The following FGF12 variants were observed in gnomAD, a reference collection of about 807,000 sequenced individuals.
FGF12 encodes the protein fibroblast growth factor 12, also known as fibroblast growth factor 12B.
Under a neutral mutation model 23.6 loss-of-function variants are expected in FGF12, and 14 were observed. The ratio of observed to expected loss-of-function variants is 0.59; its 90% CI spans 0.39 to 0.93. The LOEUF is 0.93. Ranked by LOEUF, FGF12 falls within the 40% of genes least tolerant of loss-of-function variation. The pLI, the probability that FGF12 is intolerant of heterozygous loss-of-function variation, is 0.00. For synonymous variants in FGF12, 62 were observed against 77.3 expected (o/e 0.80, Z 1.04); for missense variants, 175 against 217.8 (o/e 0.80, Z 1.24).
chr3:192,462,806 T>C (rs1722900882), intron 2 of FGF12, among the ~76,000 whole-genome samples: 1 of 152,142 alleles, frequency 6.6e-6, no homozygotes, highest in Non-Finnish European at 1.5e-5. Flanking sequence ...TTTCATATGA[T>C]AATGATATAT....
chr3:192,556,027 G>A (rs1228473871), intron 2 of FGF12, among the ~76,000 whole-genome samples: 2 of 151,726 alleles, frequency 1.3e-5, no homozygotes, highest in Non-Finnish European at 2.9e-5. Flanking sequence ...CAAAGAAAGT[G>A]AGCAATAAAT....
intron 2 of FGF12, among the ~76,000 whole-genome samples, chr3:192,448,576 G>T (rs113133702): frequency 2.0e-4 from 31 of 152,268 alleles, no homozygotes; most frequent in African/African-American, 6.5e-4. Context: ...AGTATACTAG[G>T]CTTGAGTGAT....
rs4571187 is a variant in FGF12, at chr3:192,335,485, G to A, written c.125-21C>T. On this transcript the variant is annotated intron_variant, in intron 3 of 5. Transcript: ENST00000445105. ...GAGAGCTGGGGGGAGAAAAAGAAGG[G>A]CGGAAAGGATCAGTGACCTTTTGAA... The A allele has an allele frequency of 0.35, 522,007 of 1,473,816 alleles. 99,298 individuals are homozygous for A. Among genetic ancestry groups the A allele is most frequent in the East Asian group, 0.64 (28,471 of 44,162 alleles). 91.3% of individuals were successfully genotyped at this position (1,473,816 alleles called of 1,614,324 possible). A position where few individuals can be genotyped will look rare whatever the true frequency, so the allele number is the denominator to read the frequency against.
At chr3:192,238,056 A>T (rs1299390998) in intron 4 of FGF12, 2 of 152,146 alleles carry the variant, frequency 1.3e-5, no homozygotes, top group Non-Finnish European at 1.5e-5. Flanking sequence ...ATTGGGTTTC[A>T]TGGATTGGTT....
chr3:192,483,860 A>G (rs1254292651), intron 2 of FGF12, among the ~76,000 whole-genome samples: 1 of 152,200 alleles, frequency 6.6e-6, no homozygotes, highest in African/African-American at 2.4e-5. Context: ...TGTGCCACAC[A>G]TCAATAGAAA....
intron 2 of FGF12, among the ~76,000 whole-genome samples, chr3:192,645,424 G>T (rs557809406): frequency 4.6e-5 from 7 of 152,218 alleles, no homozygotes; most frequent in Non-Finnish European, 5.9e-5. Context: ...AGAAAGAAAA[G>T]AATTTAAGAT....
intron 2 of FGF12, among the ~76,000 whole-genome samples, chr3:192,526,063 C>T (rs926528891): frequency 2.0e-5 from 3 of 152,186 alleles, no homozygotes; most frequent in Non-Finnish European, 4.4e-5. Context: ...TGAGCCACCG[C>T]GCCTGGCCTG....
Position 192,143,853 on chromosome 3 carries a change from C to T in FGF12, c.*156G>A. 1.8e-6 allele frequency: 1 copy of T among 569,758 alleles called. No homozygotes were observed. The highest frequency in any genetic ancestry group is 3.1e-4 in the Middle Eastern group (1 of 3,192). The allele number at this position is 569,758 out of a possible 1,614,324, so 35.3% of individuals were successfully genotyped here. On this transcript the variant is annotated 3_prime_UTR_variant, in exon 6 of 6. Transcript: ENST00000445105. Reference sequence around the variant, plus strand: ...GCTTTGGTTCAATTTTCTTGTCCTACACAAAGGAAGATTTTGAGTGCAGAA... The same window carrying T: ...GCTTTGGTTCAATTTTCTTGTCCTATACAAAGGAAGATTTTGAGTGCAGAA...
intron 2 of FGF12, among the ~76,000 whole-genome samples, chr3:192,447,840 C>T (rs57944929): frequency 0.048 from 7,238 of 152,188 alleles, 598 homozygotes; most frequent in African/African-American, 0.17. Context: ...ATAGCTACCA[C>T]GCAGATCAAG....
intron 2 of FGF12, among the ~76,000 whole-genome samples, chr3:192,440,628 T>C (rs1722176173): frequency 6.6e-6 from 1 of 152,216 alleles, no homozygotes; most frequent in Non-Finnish European, 1.5e-5. Context: ...TACAAGGATA[T>C]CAGGCGACAT....
intron 4 of FGF12, among the ~76,000 whole-genome samples, chr3:192,277,225 T>C (rs1246211783): frequency 1.3e-5 from 2 of 152,216 alleles, no homozygotes; most frequent in East Asian, 1.9e-4. Flanking sequence ...TATCAAAGAA[T>C]AGATTGTTTC....
intron 2 of FGF12, among the ~76,000 whole-genome samples, chr3:192,456,553 G>C (rs1722687678): frequency 2.6e-5 from 4 of 152,024 alleles, no homozygotes; most frequent in Admixed American, 2.6e-4. Flanking sequence ...GATTCTTTAA[G>C]TTATTTTAAA....
intron 4 of FGF12, among the ~76,000 whole-genome samples, chr3:192,210,118 T>A (rs1717852564): frequency 6.6e-6 from 1 of 151,744 alleles, no homozygotes; most frequent in Non-Finnish European, 1.5e-5. Context: ...AGTGTACAAC[T>A]GTGATCCTTG....
intron 2 of FGF12, among the ~76,000 whole-genome samples, chr3:192,690,627 C>T (rs1017796772): frequency 8.4e-5 from 12 of 142,246 alleles, no homozygotes; most frequent in African/African-American, 2.8e-4. Context: ...CAAAGTAAGA[C>T]AGCAAGAGAG....
rs146953816 is a variant in FGF12, at chr3:192,373,098, G to GT, written c.14-12561dup. ...TACAGATATTATCTGGCAGCACACT[G>GT]TTTTTTTTTTCACCTCCCTTCATTG... On this transcript the variant is annotated intron_variant, in intron 2 of 5. Transcript: ENST00000445105. Among the ~76,000 whole-genome samples the GT allele has an allele frequency of 8.4e-3, 1,250 of 148,492 alleles. 15 individuals are homozygous for GT. The highest frequency in any genetic ancestry group is 0.028 in the African/African-American group (1,148 of 40,488).
At chr3:192,174,889 T>C (rs115677780) in intron 4 of FGF12, among the ~76,000 whole-genome samples, 3,042 of 152,290 alleles carry the variant, frequency 0.02, 116 homozygotes, top group African/African-American at 0.069. Flanking sequence ...GGACACATGT[T>C]TTAAATGTTT....
intron 2 of FGF12, chr3:192,534,259 G>A (rs2108852786): frequency 6.6e-6 from 1 of 152,240 alleles, no homozygotes; most frequent in African/African-American, 2.4e-5. Context: ...CTTCAAAGAA[G>A]CTGGTTTTAG....
intron 2 of FGF12, among the ~76,000 whole-genome samples, chr3:192,577,752 A>G (rs1349445996): frequency 6.6e-6 from 1 of 152,238 alleles, no homozygotes; most frequent in Non-Finnish European, 1.5e-5. Flanking sequence ...TGTTTTACTC[A>G]TCTTTCTAAT....
intron 2 of FGF12, among the ~76,000 whole-genome samples, chr3:192,521,716 C>T (rs1724817454): frequency 6.6e-6 from 1 of 152,086 alleles, no homozygotes; most frequent in South Asian, 2.1e-4. Context: ...CCCCGCCTCC[C>T]CCAAAGCAGT....
Sources: allele counts gnomAD v4.1 joint callset (sites outside exome capture counted in the v4.1 genomes callset), GRCh38; gene constraint gnomAD v4.1.1; transcripts MANE v1.5; gene names NCBI Gene and HGNC (gene_info 2026-07-23, HGNC 2026-07-21).